The following DPYD variants were observed in gnomAD, a reference collection of about 807,000 sequenced individuals.
The protein encoded by DPYD is dihydropyrimidine dehydrogenase [NADP(+)].
In DPYD, 109 loss-of-function variants were observed where a neutral mutation model predicts 116.2. That is an observed-to-expected ratio of 0.94 (90% CI 0.80 to 1.10). The LOEUF (loss-of-function observed/expected upper bound fraction) is 1.10, where lower values mean the gene tolerates loss of function less well. Ranked by LOEUF, DPYD falls within the 50% of genes least tolerant of loss-of-function variation. DPYD has a pLI of 0.00. For missense variants in DPYD, 1,302 were observed against 1,254.5 expected, an observed-to-expected ratio of 1.04 and a Z score of -0.57; for synonymous variants, 440 against 432.0, an observed-to-expected ratio of 1.02 and a Z score of -0.23.
intron 3 of DPYD, among the ~76,000 whole-genome samples, chr1:97,795,541 C>T (rs777725001): frequency 1.3e-5 from 2 of 151,896 alleles, no homozygotes; most frequent in Non-Finnish European, 2.9e-5. Flanking sequence ...TGCACATTGA[C>T]GCAATTAAAA....
chr1:97,740,634 C>T (rs928712340), intron 3 of DPYD, among the ~76,000 whole-genome samples, 155 bp from the exon 4 acceptor site: 1 of 152,022 alleles, frequency 6.6e-6, no homozygotes, highest in Non-Finnish European at 1.5e-5. Flanking sequence ...TACAAAGTTT[C>T]TGTGTTTCAT....
chr1:97,890,199 C>G (rs1672708833), intron 1 of DPYD, among the ~76,000 whole-genome samples: 1 of 151,916 alleles, frequency 6.6e-6, no homozygotes, highest in African/African-American at 2.4e-5. Context: ...ATTGGCACAA[C>G]TCTGAATACA....
chr1:97,216,084 G>A (rs1281276342), intron 19 of DPYD, among the ~76,000 whole-genome samples: 3 of 151,962 alleles, frequency 2.0e-5, no homozygotes, highest in Non-Finnish European at 4.4e-5. Flanking sequence ...TTTCCATAAT[G>A]CATTTTTCTT....
intron 16 of DPYD, among the ~76,000 whole-genome samples, chr1:97,311,896 T>C (rs532347532): frequency 2.0e-5 from 3 of 151,844 alleles, no homozygotes; most frequent in East Asian, 2.0e-4. Flanking sequence ...GAGACATATA[T>C]ATGGGTGATA....
intron 20 of DPYD, among the ~76,000 whole-genome samples, chr1:97,160,939 A>T (rs1570576379): frequency 6.6e-6 from 1 of 152,284 alleles, no homozygotes; most frequent in East Asian, 1.9e-4. Flanking sequence ...ACTTGGCAAA[A>T]TGCCCTGAAA....
rs758699471 is a variant in DPYD at position 97,699,378 on chromosome 1, T to C, written c.653A>G (p.Glu218Gly). 7 of 1,613,542 alleles carry C rather than the reference T, an allele frequency of 4.3e-6. No homozygotes were observed. In the Admixed American group the frequency reaches 8.3e-5, roughly 19 times the overall value. ...RLGYSDITIF[E>G]KQEYVGGLST... ...TAAACCACCAACATATTCTTGTTTT[T>C]CAAATATAGTGATGTCAGAGTACCC... Residue 218 changes from glutamate (E) to glycine (G), a missense_variant, in exon 6 of 23, where the codon GAA (glutamate) becomes GGA (glycine). Physicochemically the swap from Glu to Gly is moderately conservative, Grantham distance 98. Transcript: ENST00000370192.
intron 10 of DPYD, among the ~76,000 whole-genome samples, chr1:97,592,948 G>C (rs1398835005): frequency 6.6e-6 from 1 of 152,110 alleles, no homozygotes; most frequent in Non-Finnish European, 1.5e-5. Flanking sequence ...ATTGTTACTA[G>C]TTACATAGAA....
At chr1:97,667,436 T>C (rs1350676499) in intron 8 of DPYD, among the ~76,000 whole-genome samples, 1 of 152,136 alleles carries the variant, frequency 6.6e-6, no homozygotes, top group African/African-American at 2.4e-5. Flanking sequence ...ATTTTTTTTA[T>C]CTATATATTA....
At chr1:97,123,398 A>G (rs572039022) in intron 20 of DPYD, among the ~76,000 whole-genome samples, 35 of 152,130 alleles carry the variant, frequency 2.3e-4, no homozygotes, top group Non-Finnish European at 4.7e-4. Context: ...AATTGGTATT[A>G]TGCTATCAAA....
At chr1:97,844,568 A>AT (rs1670197245) in intron 2 of DPYD, among the ~76,000 whole-genome samples, 1 of 152,344 alleles carries the variant, frequency 6.6e-6, no homozygotes, top group East Asian at 1.9e-4. Context: ...GGTGCTGGTG[A>AT]TAACAGCGGT....
rs1294837029 is a variant in DPYD at position 97,439,680 on chromosome 1, T to A, written c.1905+10379A>T. 2.6e-5 allele frequency among the ~76,000 whole-genome samples: 4 copies of A among 152,220 alleles called. No homozygotes were observed. The South Asian group carries it at 8.3e-4, about 32-fold the overall frequency. On this transcript the variant is annotated intron_variant, in intron 14 of 22. Coordinates refer to ENST00000370192, the MANE Select transcript of DPYD (RefSeq NM_000110.4). ...AAGGAACCAGCTTTACCTTCATTGA[T>A]GTTCTCTATTTTTTTTCTTTTTCCA...
chr1:97,502,660 T>C (rs1181004971), intron 13 of DPYD, among the ~76,000 whole-genome samples: 5 of 151,982 alleles, frequency 3.3e-5, no homozygotes, highest in Admixed American at 6.6e-5. Context: ...TGGTATACTA[T>C]TCTGTGAGAA....
At chr1:97,701,822 T>C (rs536656193) in intron 5 of DPYD, among the ~76,000 whole-genome samples, 1 of 152,002 alleles carries the variant, frequency 6.6e-6, no homozygotes, top group East Asian at 1.9e-4. Context: ...TTGTCACTTT[T>C]ACTGGTTTAC....
At chr1:97,615,765 G>A (rs569845355) in intron 8 of DPYD, among the ~76,000 whole-genome samples, 2 of 152,122 alleles carry the variant, frequency 1.3e-5, no homozygotes, top group East Asian at 3.9e-4. Context: ...TCCTTAGCAA[G>A]GAATATAAGG....
intron 18 of DPYD, among the ~76,000 whole-genome samples, chr1:97,237,739 A>G (rs1454888965): frequency 6.6e-6 from 1 of 152,230 alleles, no homozygotes; most frequent in Non-Finnish European, 1.5e-5. Flanking sequence ...ATAGACACAC[A>G]GCTATCTCTG....
intron 1 of DPYD, among the ~76,000 whole-genome samples, chr1:97,914,189 T>C (rs1169281959): frequency 1.3e-5 from 2 of 152,146 alleles, no homozygotes; most frequent in Non-Finnish European, 2.9e-5. Flanking sequence ...AAGTGTAATA[T>C]ATGAGTCATC....
intron 18 of DPYD, among the ~76,000 whole-genome samples, chr1:97,251,182 A>G (rs1663059268): frequency 1.3e-5 from 2 of 152,062 alleles, no homozygotes; most frequent in South Asian, 4.2e-4. Context: ...GGATGACCTG[A>G]GGTCAGGAGT....
intron 4 of DPYD, among the ~76,000 whole-genome samples, chr1:97,724,303 GGGGGGTGTGTGTGTGTGTGTGTGTGT>G (rs1557910219): frequency 1.4e-4 from 2 of 14,466 alleles, no homozygotes; most frequent in African/African-American, 5.6e-4. Flanking sequence ...TGGGGGGGGG[GGGGGGTGTGTGTGTGTGTGTGTGTGT>G]GTGTGTGTGT....
At chr1:97,647,557 G>C (rs1427152678) in intron 8 of DPYD, among the ~76,000 whole-genome samples, 1 of 151,720 alleles carries the variant, frequency 6.6e-6, no homozygotes. Context: ...TGTTTTTGAA[G>C]GGAAATATAT....
Sources: allele counts gnomAD v4.1 joint callset (sites outside exome capture counted in the v4.1 genomes callset), GRCh38; gene constraint gnomAD v4.1.1; transcripts MANE v1.5; gene names NCBI Gene and HGNC (gene_info 2026-07-23, HGNC 2026-07-21).